Variants in CSMD3 observed in about 807,000 individuals in gnomAD.
The protein encoded by CSMD3 is CUB and Sushi multiple domains 3.
CSMD3 carries 177 observed loss-of-function variants against 435.2 expected under a neutral mutation model. That is an observed-to-expected ratio of 0.41 (90% CI 0.36 to 0.46). The LOEUF is 0.46. Among genes scored for constraint, CSMD3 ranks in the 20% least tolerant of loss-of-function variants. The pLI is 0.34. For synonymous variants in CSMD3, 1,656 were observed against 1,520.5 expected (o/e 1.09, Z -2.07); for missense variants, 4,265 against 4,504.6 (o/e 0.95, Z 1.52).
intron 22 of CSMD3, among the ~76,000 whole-genome samples, chr8:112,613,528 T>C (rs1356337895): frequency 2.0e-5 from 3 of 152,162 alleles, no homozygotes; most frequent in East Asian, 1.9e-4. Context: ...GTGAACCAAA[T>C]TGGTTGTAAA....
intron 32 of CSMD3, among the ~76,000 whole-genome samples, chr8:112,419,404 T>C (rs1812244173): frequency 6.6e-6 from 1 of 152,072 alleles, no homozygotes; most frequent in Admixed American, 6.6e-5. Context: ...TATTGCTATT[T>C]TGTAGTAATT....
chr8:112,384,659 C>G (rs1829778088), intron 36 of CSMD3, among the ~76,000 whole-genome samples: 1 of 152,168 alleles, frequency 6.6e-6, no homozygotes, highest in African/African-American at 2.4e-5. Context: ...TGCAAAATAG[C>G]CCATCATTAT....
intron 31 of CSMD3, among the ~76,000 whole-genome samples, chr8:112,482,211 T>C (rs944012636): frequency 1.3e-5 from 2 of 152,146 alleles, no homozygotes; most frequent in African/African-American, 4.8e-5. Context: ...GAGAGTGTGA[T>C]CCTACAGAAA....
At chr8:112,698,403 C>T (rs1385230861) in intron 13 of CSMD3, among the ~76,000 whole-genome samples, 7 of 151,898 alleles carry the variant, frequency 4.6e-5, no homozygotes, top group African/African-American at 1.7e-4. Flanking sequence ...TAGCTGCATC[C>T]ACTGAGAGTC....
At chr8:113,223,780 G>T (rs1440404420) in intron 3 of CSMD3, among the ~76,000 whole-genome samples, 1 of 149,746 alleles carries the variant, frequency 6.7e-6, no homozygotes, top group African/African-American at 2.4e-5. Flanking sequence ...GTGTGTGTGT[G>T]TGTCGGTAAA....
chr8:112,641,631 G>A (rs2074830723), intron 20 of CSMD3, among the ~76,000 whole-genome samples: 1 of 152,042 alleles, frequency 6.6e-6, no homozygotes, highest in South Asian at 2.1e-4. Flanking sequence ...GAATCCAGAA[G>A]TTTGAGATCA....
rs546685500 is a variant in CSMD3 at position 113,229,957 on chromosome 8, G to T, written c.514+48635C>A. Among the ~76,000 whole-genome samples, 3 of 151,432 alleles carry T rather than the reference G, an allele frequency of 2.0e-5. No individual in the cohort carries two copies. The Admixed American group carries it at 2.0e-4, about 10-fold the overall frequency. The stretch of plus-strand genomic sequence containing the variant: ...AGACCCCATACCACGTGAAGAAAGG[G>T]CTTGTGACTGCTGTGTTTACCACTG... On this transcript the variant is annotated intron_variant, in intron 3 of 70. Coordinates refer to ENST00000297405, the MANE Select transcript of CSMD3 (RefSeq NM_198123.2).
At position 112,281,292 on chromosome 8, in the gene CSMD3, G is replaced by A. The variant is rs1165411556; in HGVS notation, c.9390C>T (p.Gly3130=). ...TANGKVFRID[G]TTFSSSVIYS... is the part of the protein sequence containing the mutation. ...AAATGACTGAACTAGAAAATGTTGTGCCATCAATTCGGAAGACTTTCCCAT... is the reference window on the plus strand; with the variant it reads ...AAATGACTGAACTAGAAAATGTTGTACCATCAATTCGGAAGACTTTCCCAT... The change falls in exon 59 of 71, where the codon GGC becomes GGT. Residue 3130 remains glycine, a synonymous_variant. Transcript: ENST00000297405. 1.1e-5 allele frequency: 17 copies of A among 1,613,232 alleles called. No individual in the cohort carries two copies. Among genetic ancestry groups the A allele is most frequent in the East Asian group, 4.5e-5 (2 of 44,832 alleles).
chr8:112,756,508 G>A (rs2077702619), intron 13 of CSMD3, among the ~76,000 whole-genome samples: 1 of 152,086 alleles, frequency 6.6e-6, no homozygotes, highest in African/African-American at 2.4e-5. Flanking sequence ...CACTAAATCT[G>A]CTTTAATTTT....
chr8:113,029,769 T>C (rs1005980269), intron 5 of CSMD3, among the ~76,000 whole-genome samples: 2 of 151,508 alleles, frequency 1.3e-5, no homozygotes, highest in Admixed American at 1.3e-4. Flanking sequence ...CTGGAAATCC[T>C]AGCCAGAGCA....
chr8:112,819,853 A>C (rs2079479874), intron 12 of CSMD3, among the ~76,000 whole-genome samples: 1 of 152,180 alleles, frequency 6.6e-6, no homozygotes, highest in Admixed American at 6.6e-5. Context: ...ATATAAAAAA[A>C]AGTAACACTA....
chr8:112,819,604 C>T (rs567982421), intron 12 of CSMD3, among the ~76,000 whole-genome samples: 1 of 152,242 alleles, frequency 6.6e-6, no homozygotes, highest in African/African-American at 2.4e-5. Context: ...ATATTTATTC[C>T]TACTTGAGGA....
At chr8:113,254,299 G>T (rs2093361336) in intron 3 of CSMD3, among the ~76,000 whole-genome samples, 1 of 152,214 alleles carries the variant, frequency 6.6e-6, no homozygotes, top group Non-Finnish European at 1.5e-5. Flanking sequence ...TTGAGCTACA[G>T]ATACAGATAA....
chr8:113,119,043 C>T (rs2090915218), intron 4 of CSMD3, among the ~76,000 whole-genome samples: 1 of 152,084 alleles, frequency 6.6e-6, no homozygotes, highest in South Asian at 2.1e-4. Flanking sequence ...GTGAGAAAGG[C>T]AAAGTATGAG....
At chr8:113,225,917 A>T (rs2132158313) in intron 3 of CSMD3, among the ~76,000 whole-genome samples, 1 of 151,564 alleles carries the variant, frequency 6.6e-6, no homozygotes, top group South Asian at 2.1e-4. Flanking sequence ...TAGATCATGA[A>T]GGCTGTTCCC....
chr8:112,722,793 T>A (rs1658068665), intron 13 of CSMD3, among the ~76,000 whole-genome samples: 1 of 152,162 alleles, frequency 6.6e-6, no homozygotes, highest in African/African-American at 2.4e-5. Context: ...CAGAAAATAA[T>A]ATGTGTATAA....
chr8:112,376,768 T>C (rs1211289170), intron 38 of CSMD3, among the ~76,000 whole-genome samples: 1 of 152,202 alleles, frequency 6.6e-6, no homozygotes, highest in South Asian at 2.1e-4. Flanking sequence ...TGTCCATTTA[T>C]TCATTTACTC....
chr8:112,940,198 T>A (rs1332906358), intron 9 of CSMD3, among the ~76,000 whole-genome samples: 1 of 151,904 alleles, frequency 6.6e-6, no homozygotes. Flanking sequence ...GTTTTAATAG[T>A]ACCAAATGAG....
intron 1 of CSMD3, among the ~76,000 whole-genome samples, chr8:113,338,836 C>A (rs571000248): frequency 6.6e-6 from 1 of 152,042 alleles, no homozygotes; most frequent in African/African-American, 2.4e-5. Context: ...ACTGAAACTA[C>A]TGAATTTGGA....
Sources: allele counts gnomAD v4.1 joint callset (sites outside exome capture counted in the v4.1 genomes callset), GRCh38; gene constraint gnomAD v4.1.1; transcripts MANE v1.5; gene names NCBI Gene and HGNC (gene_info 2026-07-23, HGNC 2026-07-21).